The following GLYATL2 variants were observed in gnomAD, a reference collection of about 807,000 sequenced individuals.
GLYATL2 encodes glycine-N-acyltransferase like 2, also known as glycine N-acyltransferase-like protein 2.
Under a neutral mutation model 21.4 loss-of-function variants are expected in GLYATL2, and 25 were observed. That is an observed-to-expected ratio of 1.17 (90% CI 0.85 to 1.63). The LOEUF (loss-of-function observed/expected upper bound fraction) is 1.63. Among genes scored for constraint, GLYATL2 ranks in the 40% most tolerant of loss-of-function variants. The pLI is 0.00. For missense variants in GLYATL2, 361 were observed against 343.3 expected (o/e 1.05, Z -0.41); for synonymous variants, 114 against 118.2 (o/e 0.96, Z 0.23).
intron 1 of GLYATL2, among the ~76,000 whole-genome samples, chr11:58,852,660 C>T (rs1853762258): frequency 6.6e-6 from 1 of 152,190 alleles, no homozygotes; most frequent in Non-Finnish European, 1.5e-5. Context: ...CAAGAGCTCT[C>T]AAGTGAGATG....
At chr11:58,896,034 T>C (rs1018410394) in intron 1 of GLYATL2, among the ~76,000 whole-genome samples, 7 of 152,116 alleles carry the variant, frequency 4.6e-5, no homozygotes, top group Non-Finnish European at 8.8e-5. Context: ...TTTCATATTT[T>C]TTTAGTAGGA....
intron 2 of GLYATL2, 30 bp downstream of exon 2, chr11:58,839,505 C>G: frequency 1.4e-6 from 2 of 1,432,150 alleles, no homozygotes; most frequent in East Asian, 2.3e-5. Context: ...TCAACCCTCT[C>G]TCTCCTTTGA....
intron 5 of GLYATL2, among the ~76,000 whole-genome samples, chr11:58,836,377 GT>G (rs1853431719): frequency 6.6e-6 from 1 of 151,948 alleles, no homozygotes; most frequent in African/African-American, 2.4e-5. Flanking sequence ...TGTTTAGGTT[GT>G]TTCATAAGTT....
intron 1 of GLYATL2, among the ~76,000 whole-genome samples, chr11:58,863,721 A>G (rs1475906622): frequency 6.6e-6 from 1 of 152,092 alleles, no homozygotes; most frequent in South Asian, 2.1e-4. Context: ...CCTAGAACCT[A>G]GGTCTTCAGG....
chr11:58,878,559 G>A (rs1360350517), intron 1 of GLYATL2, among the ~76,000 whole-genome samples: 1 of 152,212 alleles, frequency 6.6e-6, no homozygotes, highest in Non-Finnish European at 1.5e-5. Flanking sequence ...GCCTCTAACA[G>A]CTGACTGGGT....
chr11:58,836,981 C>A, intron 5 of GLYATL2, 34 bp downstream of exon 5: 1 of 1,589,520 alleles, frequency 6.3e-7, no homozygotes, highest in South Asian at 1.1e-5. Flanking sequence ...GTAATTCTAT[C>A]AAGGAATTTG....
At chr11:58,875,989 C>A (rs1487311682) in intron 1 of GLYATL2, among the ~76,000 whole-genome samples, 10 of 152,142 alleles carry the variant, frequency 6.6e-5, no homozygotes, top group African/African-American at 2.4e-4. Context: ...TTGTTCATTT[C>A]TTTTTATTCT....
rs527927400 is a variant in GLYATL2 at position 58,856,148 on chromosome 11, GA to G, written n.61-17781del. Among the ~76,000 whole-genome samples the G allele has an allele frequency of 5.4e-3, 815 of 151,844 alleles. 12 individuals are homozygous for G. Among genetic ancestry groups the G allele is most frequent in the African/African-American group, 0.019 (774 of 41,424 alleles). On this transcript the variant is annotated intron_variant and non_coding_transcript_variant, in intron 1 of 4. Transcript: ENST00000533636. ...AACTCTGTCTAAAAGAAAAAAAAAA[GA>G]AAAAGAAAATGGCTTCTTTCCTTAA...
intron 1 of GLYATL2, among the ~76,000 whole-genome samples, chr11:58,849,977 G>GA (rs1349630136): frequency 6.6e-6 from 1 of 151,848 alleles, no homozygotes; most frequent in South Asian, 2.1e-4. Context: ...CAGGAAAAGT[G>GA]AAAAAAATAG....
chr11:58,847,039 C>T (rs577598227), upstream of GLYATL2, among the ~76,000 whole-genome samples: 35 of 152,144 alleles, frequency 2.3e-4, no homozygotes, highest in Admixed American at 1.2e-3. Flanking sequence ...AGTTGTGAGG[C>T]CCCCGTTCCA....
intron 1 of GLYATL2, chr11:58,885,569 G>A (rs1443814142): frequency 2.5e-6 from 1 of 400,258 alleles, no homozygotes; most frequent in East Asian, 6.5e-5. Context: ...GACTAGTGGA[G>A]CCAGGCAGGC....
rs899535087 is a variant in GLYATL2 at position 58,903,068 on chromosome 11, T to C, written n.60+1088A>G. Reference sequence around the variant, plus strand: ...ACTTAAGGAAGAAATGGAAGATTGGTACTAAAAATGACGTCAGGTTACTTA... The same window carrying C: ...ACTTAAGGAAGAAATGGAAGATTGGCACTAAAAATGACGTCAGGTTACTTA... On this transcript the variant is annotated intron_variant and non_coding_transcript_variant, in intron 1 of 4. Coordinates refer to the GLYATL2 transcript ENST00000533636. Among the ~76,000 whole-genome samples, 8 of 152,300 alleles carry C rather than the reference T, an allele frequency of 5.3e-5. No individual in the cohort carries two copies. The East Asian group carries it at 7.7e-4, about 15-fold the overall frequency.
upstream of GLYATL2, among the ~76,000 whole-genome samples, chr11:58,909,067 G>C (rs1340276168): frequency 1.3e-5 from 2 of 152,134 alleles, no homozygotes; most frequent in East Asian, 3.8e-4. Context: ...TCAAAATATG[G>C]AAAATGATAA....
At chr11:58,885,412 G>A in intron 1 of GLYATL2, 1 of 436,516 alleles carries the variant, frequency 2.3e-6, no homozygotes, top group Non-Finnish European at 4.6e-6. Context: ...ACCTCTCCTA[G>A]TCCTTTCCAT....
At chr11:58,907,816 T>C, upstream of GLYATL2, 1 of 180,334 alleles carries the variant, frequency 5.5e-6, no homozygotes, top group Non-Finnish European at 1.2e-5. Context: ...TTTCAAAGCT[T>C]GCATTTATTT....
At chr11:58,880,350 A>T (rs886252412) in intron 1 of GLYATL2, among the ~76,000 whole-genome samples, 5 of 152,204 alleles carry the variant, frequency 3.3e-5, no homozygotes, top group Non-Finnish European at 5.9e-5. Flanking sequence ...AACTAAGGTC[A>T]TTGCAAGGGG....
At chr11:58,878,448 C>G in intron 1 of GLYATL2, 1 of 337,632 alleles carries the variant, frequency 3.0e-6, no homozygotes, top group South Asian at 9.8e-5. Context: ...TTTCCTTGAG[C>G]AAATTTGTGA....
rs1854013019 is a variant in GLYATL2, at chr11:58,865,737, CAGG to C, written n.61-27372_61-27370del. On this transcript the variant is annotated intron_variant and non_coding_transcript_variant, in intron 1 of 4. Coordinates refer to the GLYATL2 transcript ENST00000533636. ...GGTCACAAAGGATGAAGGAAGAAGG[CAGG>C]TGTCTTTCTTAACCACTGTTTTAGG... Among the ~76,000 whole-genome samples the C allele has an allele frequency of 4.8e-4, 3 of 6,246 alleles. No individual in the cohort carries two copies. The South Asian group carries it at 0.022, about 45-fold the overall frequency. The allele number at this position is 6,246 out of a possible 152,430, so 4.1% of individuals were successfully genotyped here. A position where few individuals can be genotyped will look rare whatever the true frequency, so the allele number is the denominator to read the frequency against.
intron 1 of GLYATL2, among the ~76,000 whole-genome samples, chr11:58,884,545 TACTTCTCAGGC>T (rs1854401898): frequency 6.6e-6 from 1 of 152,234 alleles, no homozygotes; most frequent in Non-Finnish European, 1.5e-5. Context: ...GATGAAAGAA[TACTTCTCAGGC>T]ATCTGATGAC....
Sources: gnomAD v4.1 joint callset for allele counts (sites outside exome capture counted in the v4.1 genomes callset) on GRCh38, gnomAD v4.1.1 for gene constraint, MANE v1.5 for transcripts, NCBI Gene and HGNC (gene_info 2026-07-23, HGNC 2026-07-21) for gene names.